GAB1: variants seen among roughly 807,000 people sequenced by gnomAD.
GAB1 encodes GRB2 associated binding protein 1.
Under a neutral mutation model 66.5 loss-of-function variants are expected in GAB1, and 19 were observed. The observed-to-expected ratio is 0.29, with a 90% CI of 0.20 to 0.42. GAB1 has a LOEUF of 0.42. Among genes scored for constraint, GAB1 ranks in the 10% least tolerant of loss-of-function variants. The probability of loss-of-function intolerance (pLI) is 1.00; values close to 1 mark genes in which losing one functional copy is unlikely to be tolerated. For missense variants in GAB1, 732 were observed against 858.5 expected, an observed-to-expected ratio of 0.85 and a Z score of 1.84; for synonymous variants, 294 against 301.4, an observed-to-expected ratio of 0.98 and a Z score of 0.25.
At chr4:143,443,285 G>A (rs1313606359) in intron 6 of GAB1, among the ~76,000 whole-genome samples, 2 of 151,960 alleles carry the variant, frequency 1.3e-5, no homozygotes, top group African/African-American at 4.8e-5. Flanking sequence ...CAAAGTGCTG[G>A]GATTACAGGC....
At chr4:143,455,148 G>A (rs1377072069) in intron 6 of GAB1, among the ~76,000 whole-genome samples, 3 of 152,048 alleles carry the variant, frequency 2.0e-5, no homozygotes, top group Non-Finnish European at 4.4e-5. Context: ...TGTCATATAG[G>A]GAAATCATTA....
intron 2 of GAB1, among the ~76,000 whole-genome samples, chr4:143,431,171 C>T (rs771484195): frequency 1.3e-4 from 20 of 152,152 alleles, no homozygotes; most frequent in African/African-American, 3.6e-4. Context: ...TGCCAACCTC[C>T]GGGTTGAGCC....
At chr4:143,409,738 G>A (rs1285233661) in intron 1 of GAB1, among the ~76,000 whole-genome samples, 1 of 152,160 alleles carries the variant, frequency 6.6e-6, no homozygotes, top group East Asian at 1.9e-4. Context: ...AATTGGGTTT[G>A]AAAGATATTT....
chr4:143,396,245 G>T (rs571426283), intron 1 of GAB1, among the ~76,000 whole-genome samples: 31 of 152,310 alleles, frequency 2.0e-4, no homozygotes, highest in African/African-American at 5.8e-4. Flanking sequence ...ACTCATCCAT[G>T]GCCATGATAG....
Position 143,473,931 on chromosome 4 carries a change from A to C in GAB1, c.*4742A>C, listed in dbSNP as rs1736178423. 6.6e-6 allele frequency: 1 copy of C among 152,156 alleles called. No individual in the cohort carries two copies. The highest frequency in any genetic ancestry group is 2.4e-5 in the African/African-American group (1 of 41,436). The allele number at this position is 152,156 out of a possible 1,614,324, so 9.4% of individuals were successfully genotyped here. A position where few individuals can be genotyped will look rare whatever the true frequency, so the allele number is the denominator to read the frequency against. ...ATGTCTGTCTGTCACCTTGTAAACC[A>C]TGAGACTCCTGGGTATTTGCATGTA... is the stretch of plus-strand genomic sequence containing the variant. On this transcript the variant is annotated 3_prime_UTR_variant, in exon 10 of 10. Coordinates refer to ENST00000262994, the MANE Select transcript of GAB1 (RefSeq NM_002039.4).
At chr4:143,436,275 G>A (rs894892973) in intron 3 of GAB1, among the ~76,000 whole-genome samples, 4 of 152,206 alleles carry the variant, frequency 2.6e-5, no homozygotes, top group African/African-American at 7.2e-5. Flanking sequence ...GGAAGATAAT[G>A]AGGAGGAGAG....
rs528045068 is a variant in GAB1 at position 143,446,691 on chromosome 4, T to A, written c.1585+6309T>A. 2.0e-5 allele frequency among the ~76,000 whole-genome samples: 3 copies of A among 152,332 alleles called. No homozygotes were observed. The East Asian group carries it at 5.8e-4, about 29-fold the overall frequency. On this transcript the variant is annotated intron_variant, in intron 6 of 9. Coordinates refer to ENST00000262994, the MANE Select transcript of GAB1 (RefSeq NM_002039.4). ...TTGAGTTCATTGTAGATTCTGGATATTAGCCCTTTGCCAGATGAGTAGGTT... is the reference window on the plus strand; with the variant it reads ...TTGAGTTCATTGTAGATTCTGGATAATAGCCCTTTGCCAGATGAGTAGGTT...
intron 1 of GAB1, among the ~76,000 whole-genome samples, chr4:143,377,467 T>C (rs1302670665): frequency 2.0e-5 from 3 of 152,206 alleles, no homozygotes; most frequent in Non-Finnish European, 4.4e-5. Flanking sequence ...GCCACTCTGC[T>C]TTTAGTATTT....
At chr4:143,412,880 G>T (rs2149714231) in intron 1 of GAB1, among the ~76,000 whole-genome samples, 1 of 152,262 alleles carries the variant, frequency 6.6e-6, no homozygotes, top group East Asian at 1.9e-4. Context: ...GTATTTAAAA[G>T]ATGAACTATA....
At chr4:143,375,776 ATTGT>A (rs917599597) in intron 1 of GAB1, among the ~76,000 whole-genome samples, 6 of 152,074 alleles carry the variant, frequency 3.9e-5, no homozygotes, top group Non-Finnish European at 8.8e-5. Context: ...GGCCTGGATG[ATTGT>A]TTGTTGTGTG....
intron 8 of GAB1, among the ~76,000 whole-genome samples, chr4:143,463,648 C>CACT (rs1735621425): frequency 6.7e-6 from 1 of 149,762 alleles, no homozygotes; most frequent in Non-Finnish European, 1.5e-5. Flanking sequence ...AAAAATCTCA[C>CACT]ACTACTGGTT....
Position 143,403,514 on chromosome 4 carries a change from G to T in GAB1, c.73-11963G>T, listed in dbSNP as rs1008378924. On this transcript the variant is annotated intron_variant, in intron 1 of 9. Coordinates refer to ENST00000262994, the MANE Select transcript of GAB1 (RefSeq NM_002039.4). ...ATTGAAAACAAAAAGAAATAAATAG[G>T]CAATCGTCTTTCTTGTATGGTGAGA... Among the ~76,000 whole-genome samples, 3 of 152,194 alleles carry T rather than the reference G, an allele frequency of 2.0e-5. No homozygotes were observed. In the South Asian group the frequency reaches 6.2e-4, roughly 31 times the overall value.
intron 1 of GAB1, among the ~76,000 whole-genome samples, chr4:143,398,839 C>T (rs1427440174): frequency 1.3e-5 from 2 of 151,920 alleles, no homozygotes; most frequent in East Asian, 1.9e-4. Context: ...GCAGGAGGAT[C>T]GTTTGAGCTC....
At chr4:143,460,052 A>T (rs183853611) in intron 7 of GAB1, among the ~76,000 whole-genome samples, 2,051 of 152,062 alleles carry the variant, frequency 0.013, 51 homozygotes, top group South Asian at 0.11. Flanking sequence ...TATAGTTTTT[A>T]AAAAAATAGA....
rs753648745 is a variant in GAB1 at position 143,438,404 on chromosome 4, G to A, written c.999G>A (p.Lys333=). 1 of 1,613,956 alleles carries A rather than the reference G, an allele frequency of 6.2e-7. No homozygotes were observed. The highest frequency in any genetic ancestry group is 2.2e-5 in the East Asian group (1 of 44,852). ...FPEGTLGQTS[K]LDTIPDIPPP... is the part of the protein sequence containing the mutation. The stretch of plus-strand genomic sequence containing the variant: ...AAGGAACCTTGGGACAGACATCAAA[G>A]CTAGACACTATTCCAGATATTCCTC... The change falls in exon 4 of 10, where the codon AAG becomes AAA. Residue 333 remains lysine, a synonymous_variant. Transcript: ENST00000262994.
At chr4:143,373,963 A>T (rs545348489) in intron 1 of GAB1, among the ~76,000 whole-genome samples, 2 of 149,138 alleles carry the variant, frequency 1.3e-5, no homozygotes, top group South Asian at 4.3e-4. Flanking sequence ...GCATTGGTAT[A>T]TGTTTTGGTT....
intron 8 of GAB1, 70 bp downstream of exon 8, chr4:143,460,557 C>T: frequency 7.1e-7 from 1 of 1,414,184 alleles, no homozygotes; most frequent in Admixed American, 2.0e-5. Context: ...ACTGTTCTGT[C>T]TATAAATTTT....
chr4:143,338,712 G>GGTGTGTGTGTGT (rs56381817), intron 1 of GAB1, among the ~76,000 whole-genome samples: 10,584 of 149,222 alleles, frequency 0.071, 1,035 homozygotes, highest in African/African-American at 0.22. Flanking sequence ...GAAAGGTAGG[G>GGTGTGTGTGTGT]GTGTGTGTGT....
intron 1 of GAB1, among the ~76,000 whole-genome samples, chr4:143,353,027 A>G (rs796168824): frequency 9.8e-5 from 15 of 152,320 alleles, no homozygotes; most frequent in African/African-American, 3.1e-4. Context: ...ACATGATTAA[A>G]TCAAAGAAAG....
Sources: gnomAD v4.1 joint callset for allele counts (sites outside exome capture counted in the v4.1 genomes callset) on GRCh38, gnomAD v4.1.1 for gene constraint, MANE v1.5 for transcripts, NCBI Gene and HGNC (gene_info 2026-07-23, HGNC 2026-07-21) for gene names.